CD53: variants seen among roughly 807,000 people sequenced by gnomAD.
CD53 encodes CD53 molecule, also known as leukocyte surface antigen CD53.
Under a neutral mutation model 27.3 loss-of-function variants are expected in CD53, and 20 were observed. The ratio of observed to expected loss-of-function variants is 0.73; its 90% CI spans 0.52 to 1.07. The LOEUF (loss-of-function observed/expected upper bound fraction) is 1.07, where lower values mean the gene tolerates loss of function less well. Among genes scored for constraint, CD53 ranks in the 50% least tolerant of loss-of-function variants. The pLI, the probability that CD53 is intolerant of heterozygous loss-of-function variation, is 0.00. For synonymous variants in CD53, 106 were observed against 105.3 expected (o/e 1.01, Z -0.04); for missense variants, 216 against 264.0 (o/e 0.82, Z 1.26).
At position 110,894,350 on chromosome 1, in the gene CD53, C is replaced by T; in HGVS notation, c.276C>T (p.Ile92=). Residue 92 remains isoleucine (I), a synonymous_variant, in exon 4 of 8, where the codon ATC becomes ATT. Coordinates refer to ENST00000271324, the MANE Select transcript of CD53 (RefSeq NM_000560.4). The part of the protein sequence containing the change: ...LMSFFILLLI[I]LLAEVTLAIL... ...AGTTCTTCATCCTGCTGCTGATTATCCTCCTTGCTGAGGTGACCTTGGCCA... is the reference window on the plus strand; with the variant it reads ...AGTTCTTCATCCTGCTGCTGATTATTCTCCTTGCTGAGGTGACCTTGGCCA... 1 of 1,614,034 alleles carries T rather than the reference C, an allele frequency of 6.2e-7. No homozygotes were observed. Among genetic ancestry groups the T allele is most frequent in the Non-Finnish European group, 8.5e-7 (1 of 1,179,946 alleles).
At chr1:110,872,115 C>T (rs911997162), upstream of CD53, among the ~76,000 whole-genome samples, 9 of 152,134 alleles carry the variant, frequency 5.9e-5, no homozygotes, top group Admixed American at 5.9e-4. Flanking sequence ...AAGATGAAAA[C>T]ATTGGGGCCC....
intron 1 of CD53, among the ~76,000 whole-genome samples, chr1:110,889,273 T>C (rs998448031): frequency 5.9e-5 from 9 of 152,100 alleles, no homozygotes; most frequent in Admixed American, 4.6e-4. Context: ...GACTCAATAA[T>C]TGGCCGGGTG....
Position 110,892,463 on chromosome 1 carries a change from C to T in CD53, c.182C>T (p.Ser61Phe). The T allele has an allele frequency of 1.9e-6, 3 of 1,614,134 alleles. No individual in the cohort carries two copies. The highest frequency in any genetic ancestry group is 2.5e-6 in the Non-Finnish European group (3 of 1,180,024). ...TLGNVFVIVG[S>F]IIMVVAFLGC... Reference sequence around the variant, plus strand: ...GGCAATGTGTTTGTCATCGTGGGCTCTATTATCATGGTAGTTGCCTTCCTG... The same window carrying T: ...GGCAATGTGTTTGTCATCGTGGGCTTTATTATCATGGTAGTTGCCTTCCTG... Residue 61 changes from serine (S) to phenylalanine (F), a missense_variant, in exon 3 of 8, where the codon TCT becomes TTT. By Grantham distance (155) the Ser-to-Phe change is radical. Transcript: ENST00000271324.
At chr1:110,890,119 A>C (rs1025719430) in intron 1 of CD53, among the ~76,000 whole-genome samples, 1 of 152,166 alleles carries the variant, frequency 6.6e-6, no homozygotes. Context: ...ACTGCAAAGG[A>C]GATACTATGG....
intron 2 of CD53, among the ~76,000 whole-genome samples, chr1:110,891,752 A>G (rs1277516938): frequency 6.6e-6 from 1 of 152,218 alleles, no homozygotes; most frequent in Admixed American, 6.5e-5. Context: ...ATAGGTGAGA[A>G]ACCTGAGACT....
At position 110,895,001 on chromosome 1, in the gene CD53, C is replaced by T. The variant is rs1657002824; in HGVS notation, c.369C>T (p.His123=). The change falls in exon 5 of 8, where the codon CAC becomes CAT. Residue 123 remains histidine, a synonymous_variant. Transcript: ENST00000271324. Reference sequence around the variant, plus strand: ...CTAAGGGTCTGACCGACAGCATCCACCGTTACCACTCAGACAATAGCACCA... The same window carrying T: ...CTAAGGGTCTGACCGACAGCATCCATCGTTACCACTCAGACAATAGCACCA... The part of the protein sequence containing the change: ...YVAKGLTDSI[H]RYHSDNSTKA... The T allele has an allele frequency of 6.2e-7, 1 of 1,613,982 alleles. No homozygotes were observed. The highest frequency in any genetic ancestry group is 1.1e-5 in the South Asian group (1 of 91,090).
intron 4 of CD53, 129 bp downstream of exon 4, chr1:110,894,530 A>T: frequency 1.4e-6 from 1 of 731,324 alleles, no homozygotes; most frequent in Admixed American, 2.2e-5. Context: ...GATAGAGGAA[A>T]CAGAGAGTAA....
At chr1:110,884,729 G>A (rs1656500108) in intron 1 of CD53, among the ~76,000 whole-genome samples, 1 of 151,854 alleles carries the variant, frequency 6.6e-6, no homozygotes, top group South Asian at 2.1e-4. Flanking sequence ...TTCTGTAATA[G>A]TGTTTGTTTT....
chr1:110,879,859 T>C (rs964765178), intron 1 of CD53, among the ~76,000 whole-genome samples: 1 of 152,190 alleles, frequency 6.6e-6, no homozygotes, highest in East Asian at 1.9e-4. Context: ...TGAGCCACCA[T>C]GGCGAGCCTG....
At chr1:110,888,883 G>C (rs1656733697) in intron 1 of CD53, among the ~76,000 whole-genome samples, 1 of 152,124 alleles carries the variant, frequency 6.6e-6, no homozygotes, top group Non-Finnish European at 1.5e-5. Flanking sequence ...GCTGCTCAAG[G>C]GGACTACATT....
chr1:110,899,662 A>T lies in CD53; in HGVS notation c.*467A>T, dbSNP rs1657226700. The T allele has an allele frequency of 6.2e-6, 1 of 161,448 alleles. No homozygotes were observed. Among genetic ancestry groups the T allele is most frequent in the African/African-American group, 2.4e-5 (1 of 41,492 alleles). 10.0% of individuals were successfully genotyped at this position (161,448 alleles called of 1,614,324 possible). The stretch of plus-strand genomic sequence containing the variant: ...TGTCACAACCCTCTGTTTCTCTTTG[A>T]CTAAGTGCCCTGGCTACAGGAATTA... On this transcript the variant is annotated 3_prime_UTR_variant, in exon 8 of 8. Transcript: ENST00000271324.
chr1:110,887,209 G>A lies in CD53; in HGVS notation c.-17-4183G>A, dbSNP rs145305053. Among the ~76,000 whole-genome samples the A allele has an allele frequency of 2.7e-3, 414 of 151,932 alleles. 1 individual carries two copies. Among genetic ancestry groups the A allele is most frequent in the Non-Finnish European group, 4.5e-3 (304 of 67,934 alleles). On this transcript the variant is annotated intron_variant, in intron 1 of 7. Coordinates refer to ENST00000271324, the MANE Select transcript of CD53 (RefSeq NM_000560.4). Reference sequence around the variant, plus strand: ...CTCCCGAGTAGCTGGGACTACAGGCGCCCACCACCACGCCTGGCTAATTTT... The same window carrying A: ...CTCCCGAGTAGCTGGGACTACAGGCACCCACCACCACGCCTGGCTAATTTT...
Position 110,892,438 on chromosome 1 carries a change from G to A in CD53, c.157G>A (p.Gly53Ser). 1 of 1,613,914 alleles carries A rather than the reference G, an allele frequency of 6.2e-7. No individual in the cohort carries two copies. Among genetic ancestry groups the A allele is most frequent in the Non-Finnish European group, 8.5e-7 (1 of 1,179,840 alleles). Residue 53 changes from glycine to serine, a missense_variant, in exon 3 of 8, where the codon GGC becomes AGC. By Grantham distance (56) the Gly-to-Ser change is moderately conservative. Coordinates refer to ENST00000271324, the MANE Select transcript of CD53 (RefSeq NM_000560.4). Reference protein sequence around the residue: ...LFHNLPSLTLGNVFVIVGSII... With the variant: ...LFHNLPSLTLSNVFVIVGSII... ...CCATAACCTCCCCTCCCTCACGCTG[G>A]GCAATGTGTTTGTCATCGTGGGCTC...
intron 1 of CD53, among the ~76,000 whole-genome samples, chr1:110,888,574 C>T (rs1222636041): frequency 6.6e-6 from 1 of 151,906 alleles, no homozygotes; most frequent in African/African-American, 2.4e-5. Context: ...AAATCTGGTC[C>T]CTGTTAATCC....
At chr1:110,882,375 A>AT (rs1311171420) in intron 1 of CD53, among the ~76,000 whole-genome samples, 5 of 151,636 alleles carry the variant, frequency 3.3e-5, no homozygotes, top group Non-Finnish European at 5.9e-5. Context: ...TTAATTTTGT[A>AT]TTTTTTTTGA....
At chr1:110,898,813 T>C (rs768527764) in intron 7 of CD53, among the ~76,000 whole-genome samples, 2 of 152,180 alleles carry the variant, frequency 1.3e-5, no homozygotes, top group Non-Finnish European at 2.9e-5. Flanking sequence ...TGGATAGAGA[T>C]AACTCATTGC....
Position 110,898,363 on chromosome 1 carries a change from C to T in CD53, c.588+471C>T, listed in dbSNP as rs576447477. 3.9e-5 allele frequency among the ~76,000 whole-genome samples: 5 copies of T among 128,738 alleles called. No homozygotes were observed. The East Asian group carries it at 1.2e-3, about 30-fold the overall frequency. 84.5% of individuals were successfully genotyped at this position (128,738 alleles called of 152,430 possible). A position where few individuals can be genotyped will look rare whatever the true frequency, so the allele number is the denominator to read the frequency against. On this transcript the variant is annotated intron_variant, in intron 7 of 7. Coordinates refer to ENST00000271324, the MANE Select transcript of CD53 (RefSeq NM_000560.4). ...CTGCACTCCTGCCTGGGCGACAGAG[C>T]GAGACTCTGTCTCCAGAAAAAAAAA...
chr1:110,895,876 C>T (rs1000281431), intron 5 of CD53, among the ~76,000 whole-genome samples: 1 of 152,128 alleles, frequency 6.6e-6, no homozygotes, highest in African/African-American at 2.4e-5. Context: ...AAATACTAGA[C>T]AATATATTAT....
At chr1:110,889,212 G>A (rs1405387420) in intron 1 of CD53, among the ~76,000 whole-genome samples, 1 of 152,012 alleles carries the variant, frequency 6.6e-6, no homozygotes, top group Non-Finnish European at 1.5e-5. Flanking sequence ...TAAAGGGCTG[G>A]GAAACACTCA....
Sources: allele counts gnomAD v4.1 joint callset (sites outside exome capture counted in the v4.1 genomes callset), GRCh38; gene constraint gnomAD v4.1.1; transcripts MANE v1.5; gene names NCBI Gene and HGNC (gene_info 2026-07-23, HGNC 2026-07-21).